CNTNAP5: variants seen among roughly 807,000 people sequenced by gnomAD.
CNTNAP5 encodes contactin associated protein family member 5.
In CNTNAP5, 72 loss-of-function variants were observed where a neutral mutation model predicts 150.2. The observed-to-expected ratio is 0.48, with a 90% CI of 0.40 to 0.58. The LOEUF is 0.58. Among genes scored for constraint, CNTNAP5 ranks in the 20% least tolerant of loss-of-function variants. CNTNAP5 has a pLI of 0.00. For synonymous variants in CNTNAP5, 672 were observed against 619.8 expected (o/e 1.08, Z -1.25); for missense variants, 1,636 against 1,626.2 (o/e 1.01, Z -0.10).
At chr2:124,452,265 G>T (rs1693001496) in intron 6 of CNTNAP5, among the ~76,000 whole-genome samples, 1 of 152,014 alleles carries the variant, frequency 6.6e-6, no homozygotes. Context: ...GCCTGTGACT[G>T]CCCGCTTTGC....
intron 11 of CNTNAP5, among the ~76,000 whole-genome samples, chr2:124,599,754 A>T (rs1271198841): frequency 6.6e-6 from 1 of 152,120 alleles, no homozygotes; most frequent in Non-Finnish European, 1.5e-5. Context: ...GTTTTTGGAG[A>T]TGGAGTATTA....
At chr2:124,121,868 G>A (rs1683569993) in intron 1 of CNTNAP5, among the ~76,000 whole-genome samples, 1 of 152,084 alleles carries the variant, frequency 6.6e-6, no homozygotes, top group Non-Finnish European at 1.5e-5. Context: ...AATTAAATGA[G>A]GTTAAATAAA....
intron 12 of CNTNAP5, among the ~76,000 whole-genome samples, chr2:124,618,183 C>T (rs898569410): frequency 7.2e-5 from 11 of 151,954 alleles, no homozygotes; most frequent in African/African-American, 1.2e-4. Context: ...GTCTCAGATT[C>T]AACAGAATAG....
At chr2:124,626,927 C>T (rs145492951) in intron 12 of CNTNAP5, among the ~76,000 whole-genome samples, 31 of 152,246 alleles carry the variant, frequency 2.0e-4, no homozygotes, top group African/African-American at 7.2e-4. Context: ...GCTAAGGAGA[C>T]TGGGAGATTT....
chr2:124,738,611 G>A (rs1436748762), intron 13 of CNTNAP5, among the ~76,000 whole-genome samples: 1 of 151,928 alleles, frequency 6.6e-6, no homozygotes, highest in African/African-American at 2.4e-5. Flanking sequence ...CACGCCTGTA[G>A]TCCCAGCTAC....
At chr2:124,770,298 A>T (rs899356041) in intron 16 of CNTNAP5, among the ~76,000 whole-genome samples, 2 of 152,140 alleles carry the variant, frequency 1.3e-5, no homozygotes, top group Non-Finnish European at 2.9e-5. Context: ...CAATAAACAG[A>T]TTATTATACA....
At chr2:124,811,978 A>G (rs1334579322) in intron 19 of CNTNAP5, among the ~76,000 whole-genome samples, 16 of 103,720 alleles carry the variant, frequency 1.5e-4, no homozygotes, top group African/African-American at 5.9e-4. Context: ...TATAATATAT[A>G]TAAAATTTAT....
At chr2:124,443,161 T>C (rs1399224790) in intron 5 of CNTNAP5, among the ~76,000 whole-genome samples, 2 of 151,394 alleles carry the variant, frequency 1.3e-5, no homozygotes, top group East Asian at 3.9e-4. Flanking sequence ...CTAAAGTAAA[T>C]AGAAACATCT....
At chr2:124,665,277 A>T (rs975820754) in intron 13 of CNTNAP5, among the ~76,000 whole-genome samples, 6 of 152,216 alleles carry the variant, frequency 3.9e-5, no homozygotes, top group African/African-American at 7.2e-5. Context: ...AAGTACTATG[A>T]ACTATTTTTA....
At chr2:124,416,497 A>G (rs1691920874) in intron 3 of CNTNAP5, among the ~76,000 whole-genome samples, 1 of 152,150 alleles carries the variant, frequency 6.6e-6, no homozygotes, top group Non-Finnish European at 1.5e-5. Context: ...TCTTTTGCTT[A>G]AACTTCACAA....
intron 21 of CNTNAP5, among the ~76,000 whole-genome samples, chr2:124,878,529 C>T (rs535799742): frequency 5.3e-5 from 8 of 152,122 alleles, no homozygotes; most frequent in Non-Finnish European, 1.2e-4. Flanking sequence ...TGCCTTCCAG[C>T]TAAAGGTATC....
At chr2:124,607,047 C>T (rs147736876) in intron 11 of CNTNAP5, among the ~76,000 whole-genome samples, 349 of 152,266 alleles carry the variant, frequency 2.3e-3, no homozygotes, top group African/African-American at 8.0e-3. Flanking sequence ...TGAATCCTTA[C>T]TACAACAGTA....
chr2:124,284,930 T>C (rs2104627174), intron 3 of CNTNAP5, among the ~76,000 whole-genome samples: 1 of 152,110 alleles, frequency 6.6e-6, no homozygotes, highest in East Asian at 1.9e-4. Context: ...TCACCCAGGG[T>C]ATTCTGAGAC....
At chr2:124,837,903 C>A (rs1432086779) in intron 19 of CNTNAP5, among the ~76,000 whole-genome samples, 2 of 152,056 alleles carry the variant, frequency 1.3e-5, no homozygotes, top group African/African-American at 4.8e-5. Context: ...TTTCAGTGTT[C>A]AAAACCACAC....
intron 21 of CNTNAP5, among the ~76,000 whole-genome samples, chr2:124,897,711 A>C (rs1678334606): frequency 6.6e-6 from 1 of 151,654 alleles, no homozygotes; most frequent in Non-Finnish European, 1.5e-5. Context: ...AATAGAAAAA[A>C]AAGGGTGGAG....
chr2:124,681,180 T>C (rs1469846469), intron 13 of CNTNAP5, among the ~76,000 whole-genome samples: 4 of 149,220 alleles, frequency 2.7e-5, no homozygotes, highest in Non-Finnish European at 5.9e-5. Context: ...TGGGCGCCTC[T>C]AATCCCAGCC....
At chr2:124,581,871 G>A (rs114750222) in intron 11 of CNTNAP5, among the ~76,000 whole-genome samples, 1 of 152,116 alleles carries the variant, frequency 6.6e-6, no homozygotes, top group African/African-American at 2.4e-5. Context: ...CTCCAAAAGC[G>A]GCCGTCATAT....
intron 5 of CNTNAP5, among the ~76,000 whole-genome samples, chr2:124,445,176 G>A (rs535046318): frequency 5.5e-5 from 8 of 146,144 alleles, no homozygotes; most frequent in East Asian, 4.1e-4. Context: ...TGCAACCTCC[G>A]CCTCCCAGGT....
intron 4 of CNTNAP5, among the ~76,000 whole-genome samples, chr2:124,430,036 A>G (rs1400385024): frequency 6.6e-6 from 1 of 152,204 alleles, no homozygotes; most frequent in African/African-American, 2.4e-5. Context: ...CAACTGGACT[A>G]TAAACCACTG....
Sources: gnomAD v4.1 joint callset for allele counts (sites outside exome capture counted in the v4.1 genomes callset) on GRCh38, gnomAD v4.1.1 for gene constraint, MANE v1.5 for transcripts, NCBI Gene and HGNC (gene_info 2026-07-23, HGNC 2026-07-21) for gene names.